LHFPL3: variants seen among roughly 807,000 people sequenced by gnomAD.
LHFPL3 encodes LHFPL tetraspan subfamily member 3.
LHFPL3 carries 5 observed loss-of-function variants against 19.3 expected under a neutral mutation model. That is an observed-to-expected ratio of 0.26 (90% CI 0.14 to 0.54). LHFPL3 has a LOEUF of 0.54. Ranked by LOEUF, LHFPL3 falls within the 20% of genes least tolerant of loss-of-function variation. LHFPL3 has a pLI of 0.94. For missense variants in LHFPL3, 249 were observed against 307.4 expected (o/e 0.81, Z 1.42); for synonymous variants, 133 against 126.2 (o/e 1.05, Z -0.36).
At chr7:104,728,950 T>C (rs1450621987) in intron 1 of LHFPL3, among the ~76,000 whole-genome samples, 1 of 152,190 alleles carries the variant, frequency 6.6e-6, no homozygotes, top group Non-Finnish European at 1.5e-5. Context: ...AATAGTATCC[T>C]GTATAATTCA....
intron 1 of LHFPL3, among the ~76,000 whole-genome samples, chr7:104,579,031 T>C (rs1191709115): frequency 6.6e-6 from 1 of 152,218 alleles, no homozygotes; most frequent in Non-Finnish European, 1.5e-5. Flanking sequence ...CTAATGGATC[T>C]TAGCTTATGG....
chr7:104,423,594 A>G (rs1286483636), intron 1 of LHFPL3, among the ~76,000 whole-genome samples: 21 of 152,218 alleles, frequency 1.4e-4, no homozygotes, highest in Admixed American at 1.4e-3. Flanking sequence ...CCAGGAAGTC[A>G]AGGCTGCAGT....
chr7:104,831,926 A>G (rs1299676631), intron 2 of LHFPL3, among the ~76,000 whole-genome samples: 2 of 152,094 alleles, frequency 1.3e-5, no homozygotes, highest in Admixed American at 6.5e-5. Context: ...TGTCTTAACA[A>G]TGGAATAAGA....
chr7:104,870,040 A>G (rs1407773641), intron 2 of LHFPL3, among the ~76,000 whole-genome samples: 1 of 150,730 alleles, frequency 6.6e-6, no homozygotes, highest in Non-Finnish European at 1.5e-5. Flanking sequence ...GAATTGAACA[A>G]TGAGAACACA....
chr7:104,710,772 G>A (rs1448826877), intron 1 of LHFPL3, among the ~76,000 whole-genome samples: 1 of 152,164 alleles, frequency 6.6e-6, no homozygotes, highest in Non-Finnish European at 1.5e-5. Context: ...CTCAATAAAT[G>A]TTGGCTATTA....
At chr7:104,543,605 T>A (rs1794527951) in intron 1 of LHFPL3, among the ~76,000 whole-genome samples, 1 of 151,634 alleles carries the variant, frequency 6.6e-6, no homozygotes, top group African/African-American at 2.4e-5. Context: ...AGAGTTCATG[T>A]CCTTTGTAGG....
intron 1 of LHFPL3, among the ~76,000 whole-genome samples, chr7:104,342,684 T>A (rs901102720): frequency 1.3e-5 from 2 of 152,174 alleles, no homozygotes; most frequent in Non-Finnish European, 2.9e-5. Flanking sequence ...CTTCTCTAAA[T>A]CAATACTTTT....
chr7:104,705,614 A>AT lies in LHFPL3; in HGVS notation c.446-31053dup, dbSNP rs546928596. Among the ~76,000 whole-genome samples, 32 of 151,892 alleles carry AT rather than the reference A, an allele frequency of 2.1e-4. No individual in the cohort carries two copies. In the South Asian group the frequency reaches 4.2e-3, roughly 20 times the overall value. On this transcript the variant is annotated intron_variant, in intron 1 of 2. Coordinates refer to ENST00000424859, the MANE Select transcript of LHFPL3 (RefSeq NM_199000.3). ...TCTGATTCCTCTTAAAGGAATTGTA[A>AT]TTTTTTTTGCATCTTCATAGTTTAG...
chr7:104,390,508 T>C (rs1454503904), intron 1 of LHFPL3, among the ~76,000 whole-genome samples: 1 of 152,200 alleles, frequency 6.6e-6, no homozygotes, highest in Non-Finnish European at 1.5e-5. Context: ...ACAAAGGACA[T>C]GAATTCATCC....
At chr7:104,590,641 G>T (rs1024057638) in intron 1 of LHFPL3, among the ~76,000 whole-genome samples, 1 of 152,200 alleles carries the variant, frequency 6.6e-6, no homozygotes, top group Non-Finnish European at 1.5e-5. Context: ...GCTTGGTGCA[G>T]AGCTGAGTTC....
At chr7:104,588,565 TG>T (rs1790635267) in intron 1 of LHFPL3, among the ~76,000 whole-genome samples, 1 of 152,230 alleles carries the variant, frequency 6.6e-6, no homozygotes, top group Non-Finnish European at 1.5e-5. Flanking sequence ...CCTCCAGTTT[TG>T]TTCTTTTGGC....
chr7:104,523,496 T>C (rs2115819612), intron 1 of LHFPL3, among the ~76,000 whole-genome samples: 1 of 152,318 alleles, frequency 6.6e-6, no homozygotes, highest in African/African-American at 2.4e-5. Context: ...GCTGCATGAC[T>C]CATTAACCAA....
chr7:104,669,141 T>C, intron 1 of LHFPL3: 1 of 1,613,248 alleles, frequency 6.2e-7, no homozygotes, highest in Non-Finnish European at 8.5e-7. Context: ...CTCCCAAACC[T>C]GATCAGCCCC....
chr7:104,555,196 A>G (rs1004232817), intron 1 of LHFPL3, among the ~76,000 whole-genome samples: 1 of 152,130 alleles, frequency 6.6e-6, no homozygotes, highest in Admixed American at 6.5e-5. Context: ...CTTAAAATTA[A>G]CCATCACAAA....
At chr7:104,875,788 A>G (rs1238641264) in intron 2 of LHFPL3, among the ~76,000 whole-genome samples, 1 of 152,244 alleles carries the variant, frequency 6.6e-6, no homozygotes, top group East Asian at 1.9e-4. Flanking sequence ...TCAAACATTT[A>G]TTGATCACCA....
intron 2 of LHFPL3, among the ~76,000 whole-genome samples, chr7:104,830,115 T>G (rs985086703): frequency 2.6e-5 from 4 of 151,998 alleles, no homozygotes; most frequent in African/African-American, 9.7e-5. Context: ...GTCTTTTGGC[T>G]GCATAAATGT....
chr7:104,664,103 T>C (rs1412908706), intron 1 of LHFPL3, among the ~76,000 whole-genome samples: 2 of 152,214 alleles, frequency 1.3e-5, no homozygotes, highest in Non-Finnish European at 2.9e-5. Context: ...CTGATAATAT[T>C]GCAATGAATT....
intron 1 of LHFPL3, among the ~76,000 whole-genome samples, chr7:104,637,609 T>G (rs1020723440): frequency 6.6e-6 from 1 of 152,216 alleles, no homozygotes; most frequent in Non-Finnish European, 1.5e-5. Flanking sequence ...GACTAGCCAG[T>G]TATCCCAGCA....
chr7:104,496,231 G>C (rs1049678745), intron 1 of LHFPL3, among the ~76,000 whole-genome samples: 3 of 151,896 alleles, frequency 2.0e-5, no homozygotes, highest in African/African-American at 7.3e-5. Context: ...TTGGTTTTTT[G>C]TCCTTGCGAT....
Sources: allele counts gnomAD v4.1 joint callset (sites outside exome capture counted in the v4.1 genomes callset), GRCh38; gene constraint gnomAD v4.1.1; transcripts MANE v1.5; gene names NCBI Gene and HGNC (gene_info 2026-07-23, HGNC 2026-07-21).